Variants in ERMP1 observed in about 807,000 individuals in gnomAD.
ERMP1 encodes endoplasmic reticulum metallopeptidase 1.
A neutral mutation model predicts 92.0 loss-of-function variants in ERMP1; 86 were observed. The ratio of observed to expected loss-of-function variants is 0.93; its 90% CI spans 0.79 to 1.12. ERMP1 has a LOEUF of 1.12. Among genes scored for constraint, ERMP1 ranks in the 50% most tolerant of loss-of-function variants. ERMP1 has a pLI of 0.00. For synonymous variants in ERMP1, 530 were observed against 412.8 expected, an observed-to-expected ratio of 1.28 and a Z score of -3.44; for missense variants, 1,342 against 1,116.3, an observed-to-expected ratio of 1.20 and a Z score of -2.88.
chr9:5,812,663 C>CT (rs1239088810), intron 5 of ERMP1: 3 of 573,498 alleles, frequency 5.2e-6, no homozygotes, highest in Non-Finnish European at 9.3e-6. Flanking sequence ...AACAGTTCAC[C>CT]CCTGTTCTTC....
chr9:5,828,636 C>G (rs1829816889), intron 2 of ERMP1, among the ~76,000 whole-genome samples: 2 of 152,096 alleles, frequency 1.3e-5, no homozygotes, highest in South Asian at 4.2e-4. Flanking sequence ...ATTTCTAAGC[C>G]ACCTCTTTGA....
At chr9:5,821,392 T>C (rs1829531190) in intron 4 of ERMP1, among the ~76,000 whole-genome samples, 1 of 152,220 alleles carries the variant, frequency 6.6e-6, no homozygotes. Context: ...ACAGTTTGTT[T>C]ACACCCTTTC....
chr9:5,866,246 C>A (rs1221566052), intron 5 of ERMP1, among the ~76,000 whole-genome samples: 2 of 152,122 alleles, frequency 1.3e-5, no homozygotes, highest in East Asian at 3.9e-4. Flanking sequence ...TTACTAGTTA[C>A]CTCTTTGATT....
At position 5,810,166 on chromosome 9, in the gene ERMP1, G is replaced by A. The variant is rs754338131; in HGVS notation, c.1393C>T (p.Leu465Phe). 6.2e-7 allele frequency: 1 copy of A among 1,614,064 alleles called. No individual in the cohort carries two copies. Among genetic ancestry groups the A allele is most frequent in the Non-Finnish European group, 8.5e-7 (1 of 1,180,002 alleles). Reference sequence around the variant, plus strand: ...ACTGCTATAATGAGAACGGTAACAAGGCTAGTGAACCAGCTGATCAAAGTG... The same window carrying A: ...ACTGCTATAATGAGAACGGTAACAAAGCTAGTGAACCAGCTGATCAAAGTG... ...GITLISWFTS[L>F]VTVLIIAVFI... Residue 465 changes from leucine (L) to phenylalanine (F), a missense_variant, in exon 8 of 15, where the codon CTT (leucine) becomes TTT (phenylalanine). Leu to Phe is a conservative substitution (Grantham distance 22). Coordinates refer to ENST00000339450, the MANE Select transcript of ERMP1 (RefSeq NM_024896.3).
intron 4 of ERMP1, among the ~76,000 whole-genome samples, chr9:5,819,042 C>T (rs1420434170): frequency 6.6e-6 from 1 of 152,162 alleles, no homozygotes; most frequent in Non-Finnish European, 1.5e-5. Context: ...CATAAATTTA[C>T]TATACATCCC....
At chr9:5,858,492 C>G (rs1264976747) in intron 6 of ERMP1, among the ~76,000 whole-genome samples, 1 of 152,216 alleles carries the variant, frequency 6.6e-6, no homozygotes, top group African/African-American at 2.4e-5. Flanking sequence ...TCATCCCTCC[C>G]CAGCCTCTGT....
chr9:5,795,490 AAAG>A (rs1237820738), intron 13 of ERMP1, among the ~76,000 whole-genome samples: 1 of 152,234 alleles, frequency 6.6e-6, no homozygotes, highest in Non-Finnish European at 1.5e-5. Flanking sequence ...TAGAATCTTA[AAAG>A]AATAGGCTGG....
At chr9:5,805,818 T>A in intron 8 of ERMP1, 33 bp from the exon 9 acceptor site, 1 of 1,519,266 alleles carries the variant, frequency 6.6e-7, no homozygotes, top group Non-Finnish European at 8.9e-7. Context: ...AGTAGTCTCA[T>A]TCAGGGGTCA....
chr9:5,820,849 C>G (rs543453517), intron 4 of ERMP1, among the ~76,000 whole-genome samples: 2 of 152,198 alleles, frequency 1.3e-5, no homozygotes, highest in African/African-American at 4.8e-5. Context: ...CACTAACTAG[C>G]TTTTTGAAAG....
chr9:5,842,297 C>T (rs1344221734), intron 6 of ERMP1, among the ~76,000 whole-genome samples: 1 of 151,980 alleles, frequency 6.6e-6, no homozygotes, highest in Non-Finnish European at 1.5e-5. Context: ...TAGCTAGACA[C>T]AGAGCACTGG....
At chr9:5,836,056 G>C (rs1429932348), upstream of ERMP1, among the ~76,000 whole-genome samples, 8 of 152,202 alleles carry the variant, frequency 5.3e-5, no homozygotes, top group Admixed American at 5.2e-4. Context: ...AGTTATGCTT[G>C]TGTCTCCCTT....
Position 5,815,382 on chromosome 9 carries a change from A to G in ERMP1, c.875-2347T>C, listed in dbSNP as rs113821272. 2.5e-3 allele frequency among the ~76,000 whole-genome samples: 374 copies of G among 152,190 alleles called. 1 individual carries two copies. Among genetic ancestry groups the G allele is most frequent in the African/African-American group, 8.4e-3 (348 of 41,526 alleles). Reference sequence around the variant, plus strand: ...AAAGACATGTCAAAGGGGCTCAGGCACTGATTTGAAATAGACACCACTGGC... The same window carrying G: ...AAAGACATGTCAAAGGGGCTCAGGCGCTGATTTGAAATAGACACCACTGGC... On this transcript the variant is annotated intron_variant, in intron 4 of 14. Transcript: ENST00000339450.
chr9:5,839,917 C>A (rs1313461015), intron 6 of ERMP1, among the ~76,000 whole-genome samples: 1 of 152,174 alleles, frequency 6.6e-6, no homozygotes, highest in Non-Finnish European at 1.5e-5. Flanking sequence ...CTGTGTCCTA[C>A]CCACCTACTT....
chr9:5,834,567 CT>C (rs1280563717), upstream of ERMP1, among the ~76,000 whole-genome samples: 1 of 152,192 alleles, frequency 6.6e-6, no homozygotes, highest in Non-Finnish European at 1.5e-5. Context: ...ATAATTTTAG[CT>C]CTACAAGATC....
chr9:5,790,827 A>G (rs1016698101), intron 13 of ERMP1, among the ~76,000 whole-genome samples: 1 of 152,250 alleles, frequency 6.6e-6, no homozygotes, highest in Non-Finnish European at 1.5e-5. Flanking sequence ...AGAGACTCCA[A>G]TATTCCACTC....
chr9:5,839,397 T>C (rs138909199), intron 6 of ERMP1, among the ~76,000 whole-genome samples: 321 of 152,302 alleles, frequency 2.1e-3, no homozygotes, highest in African/African-American at 7.4e-3. Context: ...AGGGATTTAT[T>C]TGAGGGTCAC....
intron 6 of ERMP1, among the ~76,000 whole-genome samples, chr9:5,854,554 C>T (rs1300538973): frequency 6.6e-6 from 1 of 152,142 alleles, no homozygotes; most frequent in Admixed American, 6.5e-5. Context: ...TTTTCTGAGT[C>T]ACAGTTTCAC....
chr9:5,858,515 G>A (rs1461699255), intron 6 of ERMP1, among the ~76,000 whole-genome samples: 1 of 152,180 alleles, frequency 6.6e-6, no homozygotes, highest in African/African-American at 2.4e-5. Flanking sequence ...TGCACACAGT[G>A]TCCTGCACAC....
chr9:5,839,366 C>A (rs923743799), intron 6 of ERMP1, among the ~76,000 whole-genome samples: 3 of 152,142 alleles, frequency 2.0e-5, no homozygotes, highest in African/African-American at 4.8e-5. Context: ...AGGAGAAGAA[C>A]CCATGAACCC....
Sources: allele counts gnomAD v4.1 joint callset (sites outside exome capture counted in the v4.1 genomes callset), GRCh38; gene constraint gnomAD v4.1.1; transcripts MANE v1.5; gene names NCBI Gene and HGNC (gene_info 2026-07-23, HGNC 2026-07-21).